DAP: variants seen among roughly 807,000 people sequenced by gnomAD.
DAP encodes death-associated protein 1.
In DAP, 8 loss-of-function variants were observed where a neutral mutation model predicts 13.8. The ratio of observed to expected loss-of-function variants is 0.58; its 90% CI spans 0.34 to 1.05. DAP has a LOEUF of 1.05. Among genes scored for constraint, DAP ranks in the 50% least tolerant of loss-of-function variants. The pLI, the probability that DAP is intolerant of heterozygous loss-of-function variation, is 0.03. For missense variants in DAP, 106 were observed against 133.2 expected (o/e 0.80, Z 1.01); for synonymous variants, 47 against 47.5 (o/e 0.99, Z 0.04).
At chr5:10,689,165 G>C (rs1316675287) in intron 2 of DAP, among the ~76,000 whole-genome samples, 1 of 152,144 alleles carries the variant, frequency 6.6e-6, no homozygotes, top group Admixed American at 6.5e-5. Flanking sequence ...TGACAGCTCT[G>C]CTCTAGCCTG....
rs756653584 is a variant in DAP, at chr5:10,683,522, G to GACTT, written c.195+3_195+6dup. The GACTT allele has an allele frequency of 3.1e-6, 5 of 1,613,912 alleles. No individual in the cohort carries two copies. In the African/African-American group the frequency reaches 6.7e-5, roughly 22 times the overall value. ...CTCAAACCCACCGCAGACACTCCCA[G>GACTT]ACTTACCCGGGCGATGACCCCAGAG... On this transcript the variant is annotated splice_region_variant and intron_variant, in intron 3 of 3. Transcript: ENST00000230895.
At chr5:10,712,715 G>A (rs927648204) in intron 2 of DAP, among the ~76,000 whole-genome samples, 5 of 152,204 alleles carry the variant, frequency 3.3e-5, no homozygotes, top group Non-Finnish European at 5.9e-5. Context: ...ACTAGGGCAA[G>A]GGAAGCCCTG....
chr5:10,714,271 G>A (rs1738926630), intron 2 of DAP, among the ~76,000 whole-genome samples: 3 of 152,164 alleles, frequency 2.0e-5, no homozygotes, highest in Admixed American at 2.0e-4. Flanking sequence ...TATTTAGCCG[G>A]CCTTCTCAGG....
chr5:10,683,392 G>C, intron 3 of DAP, 137 bp downstream of exon 3: 1 of 894,232 alleles, frequency 1.1e-6, no homozygotes, highest in Non-Finnish European at 1.9e-6. Flanking sequence ...CGGCAATGAA[G>C]AGAGCCATGG....
rs1305273421 is a variant in DAP, at chr5:10,688,784, G to A, written c.153-5213C>T. On this transcript the variant is annotated intron_variant, in intron 2 of 3. Coordinates refer to ENST00000230895, the MANE Select transcript of DAP (RefSeq NM_004394.3). ...TGTGAGTACGCCACCCTTTGCAGAG[G>A]TGGAGTGGAACTCCAGGACGCAGAG... Among the ~76,000 whole-genome samples, 7 of 152,210 alleles carry A rather than the reference G, an allele frequency of 4.6e-5. No homozygotes were observed. In the East Asian group the frequency reaches 1.3e-3, roughly 29 times the overall value.
chr5:10,743,504 T>C (rs1739814322), intron 2 of DAP, among the ~76,000 whole-genome samples: 1 of 152,216 alleles, frequency 6.6e-6, no homozygotes, highest in Non-Finnish European at 1.5e-5. Context: ...CCACCACTTG[T>C]CAGTGACCAA....
intron 2 of DAP, among the ~76,000 whole-genome samples, chr5:10,690,886 T>G (rs5745268): frequency 6.6e-6 from 1 of 152,242 alleles, no homozygotes; most frequent in Non-Finnish European, 1.5e-5. Flanking sequence ...TGTTCCATTT[T>G]AGATTCCCAC....
chr5:10,694,328 T>C (rs772444818), intron 2 of DAP, among the ~76,000 whole-genome samples: 2 of 152,020 alleles, frequency 1.3e-5, no homozygotes, highest in Non-Finnish European at 2.9e-5. Flanking sequence ...TTAGTTTCCT[T>C]GTCTATAAAA....
At chr5:10,704,985 G>A (rs13176602) in intron 2 of DAP, among the ~76,000 whole-genome samples, 3,563 of 152,242 alleles carry the variant, frequency 0.023, 69 homozygotes, top group Admixed American at 0.07. Context: ...CAGAATTGTG[G>A]CCCAAAATAC....
intron 2 of DAP, among the ~76,000 whole-genome samples, chr5:10,717,919 G>T (rs189446969): frequency 7.2e-5 from 11 of 152,282 alleles, no homozygotes; most frequent in Admixed American, 3.3e-4. Flanking sequence ...ATGGATAAAA[G>T]ACTAATTTGA....
chr5:10,698,889 G>A (rs1738497141), intron 2 of DAP, among the ~76,000 whole-genome samples: 1 of 152,186 alleles, frequency 6.6e-6, no homozygotes, highest in Admixed American at 6.5e-5. Flanking sequence ...GGGTTTTAGA[G>A]CAAAAGTTCC....
At chr5:10,742,635 C>T (rs6870539) in intron 2 of DAP, among the ~76,000 whole-genome samples, 68,696 of 152,038 alleles carry the variant, frequency 0.45, 19,808 homozygotes, top group Non-Finnish European at 0.64. Context: ...TGCCCTGCCC[C>T]AAACCTTTCT....
chr5:10,760,716 A>G (rs895171252), intron 1 of DAP, among the ~76,000 whole-genome samples: 2 of 152,224 alleles, frequency 1.3e-5, no homozygotes, highest in Non-Finnish European at 2.9e-5. Context: ...TAAGTTGTGC[A>G]ACTGGGTTCG....
intron 2 of DAP, among the ~76,000 whole-genome samples, chr5:10,746,260 T>C (rs1389499251): frequency 1.3e-5 from 2 of 152,126 alleles, no homozygotes; most frequent in Non-Finnish European, 2.9e-5. Context: ...GGAGAGTTGC[T>C]GATGCTGTTA....
intron 1 of DAP, among the ~76,000 whole-genome samples, chr5:10,755,434 G>A (rs906569521): frequency 1.3e-5 from 2 of 152,176 alleles, no homozygotes; most frequent in African/African-American, 2.4e-5. Context: ...ATTTGGTACA[G>A]CAGCCATAGG....
chr5:10,691,128 C>T (rs532022068), intron 2 of DAP, among the ~76,000 whole-genome samples: 2 of 152,178 alleles, frequency 1.3e-5, no homozygotes, highest in South Asian at 4.1e-4. Context: ...CCAAAAGTCG[C>T]CCCCAAAATT....
At chr5:10,754,732 G>C (rs1399313158) in intron 1 of DAP, among the ~76,000 whole-genome samples, 2 of 152,202 alleles carry the variant, frequency 1.3e-5, no homozygotes, top group Non-Finnish European at 2.9e-5. Flanking sequence ...GGGAAAGTAG[G>C]ATCGGCTGCC....
At chr5:10,742,979 A>C (rs181276233) in intron 2 of DAP, among the ~76,000 whole-genome samples, 1 of 151,522 alleles carries the variant, frequency 6.6e-6, no homozygotes, top group Non-Finnish European at 1.5e-5. Flanking sequence ...ATATGTTCAT[A>C]CAGATACTTC....
chr5:10,711,016 C>T (rs1342869909), intron 2 of DAP, among the ~76,000 whole-genome samples: 1 of 152,160 alleles, frequency 6.6e-6, no homozygotes, highest in Non-Finnish European at 1.5e-5. Flanking sequence ...AGAGAAAAGG[C>T]AGTGCAGCTA....
Sources: allele counts gnomAD v4.1 joint callset (sites outside exome capture counted in the v4.1 genomes callset), GRCh38; gene constraint gnomAD v4.1.1; transcripts MANE v1.5; gene names NCBI Gene and HGNC (gene_info 2026-07-23, HGNC 2026-07-21).